The following SYT9 variants were observed in gnomAD, a reference collection of about 807,000 sequenced individuals.
SYT9 encodes the protein synaptotagmin-9.
Under a neutral mutation model 48.4 loss-of-function variants are expected in SYT9, and 22 were observed. That is an observed-to-expected ratio of 0.45 (90% CI 0.32 to 0.65). The LOEUF (loss-of-function observed/expected upper bound fraction) is 0.65. Among genes scored for constraint, SYT9 ranks in the 30% least tolerant of loss-of-function variants. SYT9 has a pLI of 0.03. For synonymous variants in SYT9, 265 were observed against 245.0 expected, an observed-to-expected ratio of 1.08 and a Z score of -0.76; for missense variants, 577 against 622.0, an observed-to-expected ratio of 0.93 and a Z score of 0.77.
At chr11:7,240,380 A>C (rs1011242585) in intron 1 of SYT9, among the ~76,000 whole-genome samples, 1 of 152,176 alleles carries the variant, frequency 6.6e-6, no homozygotes, top group Non-Finnish European at 1.5e-5. Flanking sequence ...TAGATACTGA[A>C]GAAAAATAGG....
chr11:7,355,750 A>G (rs983292879), intron 3 of SYT9, among the ~76,000 whole-genome samples: 1 of 152,236 alleles, frequency 6.6e-6, no homozygotes, highest in East Asian at 1.9e-4. Context: ...ACAGAAAGGA[A>G]GTCTTATCAA....
At chr11:7,292,270 A>C (rs1218849841) in intron 1 of SYT9, among the ~76,000 whole-genome samples, 1 of 152,246 alleles carries the variant, frequency 6.6e-6, no homozygotes, top group Non-Finnish European at 1.5e-5. Flanking sequence ...AGGAAATGAC[A>C]TCCACTGAAG....
chr11:7,315,662 C>G (rs1183704962), intron 3 of SYT9, among the ~76,000 whole-genome samples: 1 of 152,172 alleles, frequency 6.6e-6, no homozygotes, highest in East Asian at 1.9e-4. Flanking sequence ...GTGGCTGATA[C>G]AAATCTGGAT....
Position 7,303,066 on chromosome 11 carries a change from T to C in SYT9, c.173T>C (p.Val58Ala), listed in dbSNP as rs1848953648. 1 of 1,614,206 alleles carries C rather than the reference T, an allele frequency of 6.2e-7. No individual in the cohort carries two copies. Among genetic ancestry groups the C allele is most frequent in the Non-Finnish European group, 8.5e-7 (1 of 1,180,036 alleles). ...ATCTCAGTGAGCCTGCTGACCCTTG[T>C]GGTCACTGCCTGTGGTCTCGCTCTC... is the stretch of plus-strand genomic sequence containing the variant. ...PDISVSLLTLVVTACGLALFG... is the reference protein window; with the variant it reads ...PDISVSLLTLAVTACGLALFG... The change falls in exon 2 of 7, where the codon GTG (valine) becomes GCG (alanine). Residue 58 changes from valine to alanine, a missense_variant. By Grantham distance (64) the Val-to-Ala change is moderately conservative. Coordinates refer to ENST00000318881, the MANE Select transcript of SYT9 (RefSeq NM_175733.4).
intron 3 of SYT9, among the ~76,000 whole-genome samples, chr11:7,369,123 T>C (rs1850305185): frequency 6.6e-6 from 1 of 152,252 alleles, no homozygotes; most frequent in African/African-American, 2.4e-5. Flanking sequence ...TTCCTATTTC[T>C]CCACATCCTC....
At position 7,303,203 on chromosome 11, in the gene SYT9, A is replaced by C; in HGVS notation, c.310A>C (p.Thr104Pro). The C allele has an allele frequency of 1.2e-6, 2 of 1,614,130 alleles. No homozygotes were observed. Among genetic ancestry groups the C allele is most frequent in the Non-Finnish European group, 8.5e-7 (1 of 1,180,022 alleles). Residue 104 changes from threonine (T) to proline (P), a missense_variant, in exon 2 of 7, where the codon ACA (threonine) becomes CCA (proline). By Grantham distance (38) the Thr-to-Pro change is conservative (BLOSUM62 -1). Transcript: ENST00000318881. ...CCAGGAGCCCCTTAACTACATGGAC[A>C]CAGAGACCAATGAGCAGGAGAACAG... ...NNQEPLNYMD[T>P]ETNEQENSED...
chr11:7,421,612 A>G (rs1295455789), intron 6 of SYT9, among the ~76,000 whole-genome samples: 1 of 151,976 alleles, frequency 6.6e-6, no homozygotes, highest in Non-Finnish European at 1.5e-5. Context: ...CTCCCCCTTT[A>G]CTTCTCATTC....
In SYT9 at chr11:7,461,969, C is replaced by T. The variant is rs143333103; in HGVS notation, c.1468-4823C>T. On this transcript the variant is annotated intron_variant, in intron 6 of 6. Transcript: ENST00000318881. ...AACAATCTACATGTCACACATGCCA[C>T]GCACCATTTGCCACCTTTCCCCTCA... Among the ~76,000 whole-genome samples the T allele has an allele frequency of 9.5e-4, 145 of 152,322 alleles. 3 individuals carry two copies. The East Asian group carries it at 0.024, about 25-fold the overall frequency.
At chr11:7,440,513 G>A (rs1031443055) in intron 6 of SYT9, 1 of 152,180 alleles carries the variant, frequency 6.6e-6, no homozygotes, top group African/African-American at 2.4e-5. Flanking sequence ...GTTGAGTAAG[G>A]CGCCATAGTC....
At chr11:7,373,477 C>T (rs1216411104) in intron 3 of SYT9, among the ~76,000 whole-genome samples, 1 of 152,102 alleles carries the variant, frequency 6.6e-6, no homozygotes, top group Non-Finnish European at 1.5e-5. Context: ...CCCTGTTTTA[C>T]CTGCTCTGGA....
chr11:7,296,971 A>G (rs1391514571), intron 1 of SYT9, among the ~76,000 whole-genome samples: 1 of 152,006 alleles, frequency 6.6e-6, no homozygotes, highest in Non-Finnish European at 1.5e-5. Context: ...TTTCTAACTA[A>G]ATTTCCCAGT....
Position 7,420,775 on chromosome 11 carries a change from G to C in SYT9, c.1467+140G>C, listed in dbSNP as rs559245272. 4 of 1,033,470 alleles carry C rather than the reference G, an allele frequency of 3.9e-6. No individual in the cohort carries two copies. In the South Asian group the frequency reaches 6.7e-5, roughly 17 times the overall value. 64.0% of individuals were successfully genotyped at this position (1,033,470 alleles called of 1,614,324 possible). ...CCTGGTTGCATTTCCTGGGGCTGTT[G>C]GGACTTGCATTCAATTTGAGGCTGA... On this transcript the variant is annotated intron_variant, in intron 6 of 6. Transcript: ENST00000318881.
At chr11:7,291,760 C>G (rs1848700767) in intron 1 of SYT9, among the ~76,000 whole-genome samples, 1 of 152,082 alleles carries the variant, frequency 6.6e-6, no homozygotes, top group African/African-American at 2.4e-5. Context: ...TCTGCCCATA[C>G]CAACATAAGT....
chr11:7,313,430 ACCCGGACTTCAATAT>A lies in SYT9; in HGVS notation c.536_550del (p.Pro179_Ile183del). On this transcript the variant is annotated inframe_deletion, in exon 3 of 7. Coordinates refer to ENST00000318881, the MANE Select transcript of SYT9 (RefSeq NM_175733.4). ...ATCCGAAGACAACTCAACTTGTCAA[ACCCGGACTTCAATAT>A]CCAGCAGCTTCAAAAACAGGAACAG... 1 of 1,613,532 alleles carries A rather than the reference ACCCGGACTTCAATAT, an allele frequency of 6.2e-7. No individual in the cohort carries two copies. Among genetic ancestry groups the A allele is most frequent in the Non-Finnish European group, 8.5e-7 (1 of 1,179,824 alleles).
At chr11:7,404,010 A>G (rs1272760042) in intron 3 of SYT9, among the ~76,000 whole-genome samples, 1 of 152,200 alleles carries the variant, frequency 6.6e-6, no homozygotes, top group African/African-American at 2.4e-5. Flanking sequence ...GGCCTTTATC[A>G]TAATGTAATA....
At chr11:7,273,289 T>C (rs1243988223) in intron 1 of SYT9, among the ~76,000 whole-genome samples, 1 of 152,002 alleles carries the variant, frequency 6.6e-6, no homozygotes. Flanking sequence ...TTTTGAAATT[T>C]GATAGTGATT....
At chr11:7,316,342 A>C (rs577441175) in intron 3 of SYT9, among the ~76,000 whole-genome samples, 1 of 152,216 alleles carries the variant, frequency 6.6e-6, no homozygotes, top group Admixed American at 6.5e-5. Flanking sequence ...AAAAATATAT[A>C]TGCATATACA....
rs541785495 is a variant in SYT9, at chr11:7,245,705, T to C, written c.49+6789T>C. Among the ~76,000 whole-genome samples the C allele has an allele frequency of 2.0e-5, 3 of 152,328 alleles. No individual in the cohort carries two copies. The South Asian group carries it at 6.2e-4, about 32-fold the overall frequency. On this transcript the variant is annotated intron_variant and NMD_transcript_variant, in intron 1 of 8. Coordinates refer to the SYT9 transcript ENST00000524820. ...TCTTACTGTATCATCACATCGTAGATGGTGGAAGGGCAAAGAGACAAAAGG... is the reference window on the plus strand; with the variant it reads ...TCTTACTGTATCATCACATCGTAGACGGTGGAAGGGCAAAGAGACAAAAGG...
At chr11:7,450,920 A>G (rs1590040060) in intron 6 of SYT9, among the ~76,000 whole-genome samples, 1 of 152,344 alleles carries the variant, frequency 6.6e-6, no homozygotes, top group South Asian at 2.1e-4. Flanking sequence ...TCGGGATCAC[A>G]CAGTAATGCT....
Sources: gnomAD v4.1 joint callset for allele counts (sites outside exome capture counted in the v4.1 genomes callset) on GRCh38, gnomAD v4.1.1 for gene constraint, MANE v1.5 for transcripts, NCBI Gene and HGNC (gene_info 2026-07-23, HGNC 2026-07-21) for gene names.